The following DACH1 variants were observed in gnomAD, a reference collection of about 807,000 sequenced individuals.
The protein encoded by DACH1 is dachshund family transcription factor 1, also known as dachshund homolog 1.
Under a neutral mutation model 54.2 loss-of-function variants are expected in DACH1, and 12 were observed. That is an observed-to-expected ratio of 0.22 (90% CI 0.14 to 0.36). DACH1 has a LOEUF of 0.36. Among genes scored for constraint, DACH1 ranks in the 10% least tolerant of loss-of-function variants. DACH1 has a pLI of 1.00. For synonymous variants in DACH1, 386 were observed against 366.2 expected (o/e 1.05, Z -0.62); for missense variants, 805 against 929.8 (o/e 0.87, Z 1.75).
At chr13:71,710,021 T>C (rs527372441) in intron 1 of DACH1, among the ~76,000 whole-genome samples, 2 of 152,256 alleles carry the variant, frequency 1.3e-5, no homozygotes, top group Non-Finnish European at 2.9e-5. Context: ...CTAATTTTTG[T>C]ATTTTTTTGT....
At position 71,568,053 on chromosome 13, in the gene DACH1, C is replaced by T. The variant is rs9599859; in HGVS notation, c.1299+4787G>A. 5.3e-5 allele frequency among the ~76,000 whole-genome samples: 8 copies of T among 151,598 alleles called. 1 individual carries two copies. The highest frequency in any genetic ancestry group is 4.2e-4 in the South Asian group (2 of 4,802). On this transcript the variant is annotated intron_variant, in intron 4 of 10. Coordinates refer to ENST00000613252, the MANE Select transcript of DACH1 (RefSeq NM_080759.6). ...TTGTTTATTTTACTCAGTCGTTTAA[C>T]GTAATAAAGGAATACATCCTTTTAA... is the stretch of plus-strand genomic sequence containing the variant.
intron 2 of DACH1, among the ~76,000 whole-genome samples, chr13:71,645,951 A>G (rs1335704162): frequency 2.6e-5 from 4 of 152,196 alleles, no homozygotes; most frequent in South Asian, 4.1e-4. Context: ...ACAAACTGAG[A>G]TACTGAACTC....
intron 2 of DACH1, among the ~76,000 whole-genome samples, chr13:71,647,790 GGAGAATATTAAA>G: frequency 6.6e-6 from 1 of 152,262 alleles, no homozygotes; most frequent in South Asian, 2.1e-4. Flanking sequence ...AAAGCTCCTT[GGAGAATATTAAA>G]GAAAATAGCT....
chr13:71,630,860 C>T, intron 2 of DACH1, 143 bp from the exon 3 acceptor site: 1 of 930,538 alleles, frequency 1.1e-6, no homozygotes. Flanking sequence ...ATACTCATTC[C>T]CAACTAGACA....
At chr13:71,575,792 T>C (rs1383495587) in intron 3 of DACH1, among the ~76,000 whole-genome samples, 3 of 152,126 alleles carry the variant, frequency 2.0e-5, no homozygotes, top group Non-Finnish European at 4.4e-5. Context: ...CAATCATCAT[T>C]TGTTAAATAC....
chr13:71,650,839 T>C (rs1271948223), intron 2 of DACH1, among the ~76,000 whole-genome samples: 12 of 152,204 alleles, frequency 7.9e-5, no homozygotes, highest in Admixed American at 7.9e-4. Flanking sequence ...TTACTTGATG[T>C]TAATAATTTT....
At chr13:71,606,543 G>A (rs1303418662) in intron 3 of DACH1, among the ~76,000 whole-genome samples, 1 of 152,004 alleles carries the variant, frequency 6.6e-6, no homozygotes, top group Non-Finnish European at 1.5e-5. Flanking sequence ...AATGAGTGTT[G>A]AATTTATGTT....
At chr13:71,512,088 C>A (rs1218824753) in intron 6 of DACH1, among the ~76,000 whole-genome samples, 2 of 151,918 alleles carry the variant, frequency 1.3e-5, no homozygotes, top group African/African-American at 4.8e-5. Flanking sequence ...CCAATTTCAG[C>A]ATTTCTTTTT....
chr13:71,472,841 C>T (rs1342010925), intron 10 of DACH1, among the ~76,000 whole-genome samples: 2 of 152,126 alleles, frequency 1.3e-5, no homozygotes, highest in Admixed American at 1.3e-4. Flanking sequence ...CAACATTTAA[C>T]TAAATACAGT....
At chr13:71,480,607 G>A (rs1413530463) in intron 7 of DACH1, among the ~76,000 whole-genome samples, 1 of 152,038 alleles carries the variant, frequency 6.6e-6, no homozygotes, top group Non-Finnish European at 1.5e-5. Context: ...TTTTGCCTTG[G>A]TCTGTGAGTG....
intron 10 of DACH1, among the ~76,000 whole-genome samples, chr13:71,441,574 A>C (rs1874009667): frequency 6.6e-6 from 1 of 152,054 alleles, no homozygotes; most frequent in Non-Finnish European, 1.5e-5. Context: ...CAGAAAAGGA[A>C]AGTTTTCCGA....
At chr13:71,693,469 A>ATTTT (rs748598587) in intron 1 of DACH1, among the ~76,000 whole-genome samples, 6 of 119,292 alleles carry the variant, frequency 5.0e-5, no homozygotes, top group Non-Finnish European at 8.5e-5. Context: ...CGCCCGGCAA[A>ATTTT]TTTTTTTTTT....
intron 6 of DACH1, 88 bp from the exon 7 acceptor site, chr13:71,489,236 G>T: frequency 7.1e-7 from 1 of 1,408,982 alleles, no homozygotes; most frequent in South Asian, 1.5e-5. Context: ...GTGGTTTCCA[G>T]AACATTTATT....
intron 3 of DACH1, among the ~76,000 whole-genome samples, chr13:71,598,879 C>T (rs1874299650): frequency 6.6e-6 from 1 of 152,084 alleles, no homozygotes; most frequent in African/African-American, 2.4e-5. Flanking sequence ...GGTGATTTTC[C>T]ACATTTGCAA....
At chr13:71,704,546 G>C in intron 1 of DACH1, 1 of 442,178 alleles carries the variant, frequency 2.3e-6, no homozygotes, top group Non-Finnish European at 4.5e-6. Context: ...AAACATACCT[G>C]GGTGCAACTG....
chr13:71,823,814 C>T (rs1203543146), intron 1 of DACH1, among the ~76,000 whole-genome samples: 1 of 151,764 alleles, frequency 6.6e-6, no homozygotes, highest in African/African-American at 2.4e-5. Context: ...AATCAGTAAA[C>T]AAAAGAAGGC....
At chr13:71,535,486 C>A (rs778840416) in intron 6 of DACH1, among the ~76,000 whole-genome samples, 28 of 151,840 alleles carry the variant, frequency 1.8e-4, no homozygotes, top group Non-Finnish European at 3.2e-4. Context: ...ACAGACTTAG[C>A]AAATCTCATA....
chr13:71,617,781 C>T (rs1473294310), intron 3 of DACH1, among the ~76,000 whole-genome samples: 6 of 152,088 alleles, frequency 3.9e-5, no homozygotes, highest in African/African-American at 1.2e-4. Flanking sequence ...TTTTCACTCA[C>T]GGACGTAGGC....
At chr13:71,631,702 C>T (rs1408540580) in intron 2 of DACH1, among the ~76,000 whole-genome samples, 1 of 152,124 alleles carries the variant, frequency 6.6e-6, no homozygotes, top group Non-Finnish European at 1.5e-5. Flanking sequence ...CACACTCTGG[C>T]CTCGGAGTTG....
Sources: gnomAD v4.1 joint callset for allele counts (sites outside exome capture counted in the v4.1 genomes callset) on GRCh38, gnomAD v4.1.1 for gene constraint, MANE v1.5 for transcripts, NCBI Gene and HGNC (gene_info 2026-07-23, HGNC 2026-07-21) for gene names.